KCNQ5: variants seen among roughly 807,000 people sequenced by gnomAD.
KCNQ5 encodes the protein potassium voltage-gated channel subfamily KQT member 5.
A neutral mutation model predicts 98.2 loss-of-function variants in KCNQ5; 30 were observed. That is an observed-to-expected ratio of 0.31 (90% confidence interval 0.23 to 0.41). The LOEUF is 0.41. KCNQ5 is among the 10% of genes least tolerant of loss of function. The pLI is 1.00. For missense variants in KCNQ5, 835 were observed against 1,182.5 expected (o/e 0.71, Z 4.31); for synonymous variants, 458 against 449.4 (o/e 1.02, Z -0.24).
chr6:72,784,688 G>A (rs1034176129), intron 1 of KCNQ5, among the ~76,000 whole-genome samples: 1 of 152,118 alleles, frequency 6.6e-6, no homozygotes, highest in East Asian at 1.9e-4. Flanking sequence ...CTGCATTCCA[G>A]TCAAGTGGCA....
intron 1 of KCNQ5, among the ~76,000 whole-genome samples, chr6:72,947,223 G>A (rs1221063077): frequency 6.6e-6 from 1 of 152,104 alleles, no homozygotes; most frequent in African/African-American, 2.4e-5. Context: ...CACTTAACAT[G>A]CTATTTCTCC....
chr6:73,031,195 A>C (rs1294071718), intron 2 of KCNQ5, among the ~76,000 whole-genome samples: 1 of 152,224 alleles, frequency 6.6e-6, no homozygotes, highest in East Asian at 1.9e-4. Context: ...AAAAGAGAAG[A>C]GGTATCGGGT....
intron 1 of KCNQ5, among the ~76,000 whole-genome samples, chr6:72,873,887 ACAGT>A (rs1467235539): frequency 6.6e-6 from 1 of 152,032 alleles, no homozygotes; most frequent in Non-Finnish European, 1.5e-5. Flanking sequence ...AACTTTAATG[ACAGT>A]CAGCAAGTAT....
chr6:72,681,496 A>C (rs777306130), intron 1 of KCNQ5, among the ~76,000 whole-genome samples: 3 of 152,214 alleles, frequency 2.0e-5, no homozygotes, highest in Non-Finnish European at 4.4e-5. Context: ...ACTGAAATTC[A>C]AACCCAGATC....
intron 6 of KCNQ5, among the ~76,000 whole-genome samples, chr6:73,106,588 C>G (rs1194063951): frequency 6.6e-6 from 1 of 152,206 alleles, no homozygotes; most frequent in Non-Finnish European, 1.5e-5. Context: ...TTCACATCAT[C>G]TGTGTCCAAA....
At position 73,125,591 on chromosome 6, in the gene KCNQ5, A is replaced by G. The variant is rs150138905; in HGVS notation, c.1247+1079A>G. On this transcript the variant is annotated intron_variant, in intron 9 of 13. Transcript: ENST00000370398. ...TTAGCTTAGTACTATTATAATAATT[A>G]TATTAATAATAATATATTTATGCAA... The G allele has an allele frequency of 1.3e-4, 30 of 238,574 alleles. 2 individuals carry two copies. Among genetic ancestry groups the G allele is most frequent in the African/African-American group, 5.2e-4 (22 of 42,370 alleles). 14.8% of individuals were successfully genotyped at this position (238,574 alleles called of 1,614,324 possible). A position where few individuals can be genotyped will look rare whatever the true frequency, so the allele number is the denominator to read the frequency against.
At chr6:72,720,384 C>G (rs1164567853) in intron 1 of KCNQ5, among the ~76,000 whole-genome samples, 1 of 152,090 alleles carries the variant, frequency 6.6e-6, no homozygotes, top group Non-Finnish European at 1.5e-5. Flanking sequence ...TTGAATCTAC[C>G]AAATTAATTG....
At chr6:72,698,849 G>A (rs555258321) in intron 1 of KCNQ5, among the ~76,000 whole-genome samples, 4 of 151,406 alleles carry the variant, frequency 2.6e-5, no homozygotes, top group South Asian at 4.2e-4. Flanking sequence ...TGTAGAGATG[G>A]GGTCTTGCTG....
intron 1 of KCNQ5, among the ~76,000 whole-genome samples, chr6:72,832,846 C>T (rs181131048): frequency 1.9e-4 from 29 of 152,194 alleles, no homozygotes; most frequent in Admixed American, 1.2e-3. Context: ...GGGAGGAAAA[C>T]GAGGAAAGGG....
At chr6:72,967,727 A>C (rs2150278840) in intron 1 of KCNQ5, 1 of 154,914 alleles carries the variant, frequency 6.5e-6, no homozygotes, top group East Asian at 1.9e-4. Flanking sequence ...AATGTGGCAT[A>C]CTAAAATCTT....
At chr6:72,965,556 T>C (rs1319032655) in intron 1 of KCNQ5, among the ~76,000 whole-genome samples, 1 of 152,222 alleles carries the variant, frequency 6.6e-6, no homozygotes, top group Non-Finnish European at 1.5e-5. Context: ...TGAACTATTA[T>C]GGCCTCATCG....
At chr6:73,001,996 C>T (rs113656758) in intron 1 of KCNQ5, among the ~76,000 whole-genome samples, 347 of 16,274 alleles carry the variant, frequency 0.021, no homozygotes, top group African/African-American at 0.065. Flanking sequence ...TGCTGGCCTG[C>T]GCCTATAGTC....
At chr6:72,759,641 A>G (rs959027220) in intron 1 of KCNQ5, among the ~76,000 whole-genome samples, 5 of 152,144 alleles carry the variant, frequency 3.3e-5, no homozygotes, top group Non-Finnish European at 5.9e-5. Context: ...TTTCTTCTCA[A>G]AATACCATGA....
intron 1 of KCNQ5, among the ~76,000 whole-genome samples, chr6:72,984,277 T>C (rs1768631068): frequency 6.6e-6 from 1 of 152,152 alleles, no homozygotes; most frequent in African/African-American, 2.4e-5. Flanking sequence ...TCTGCAGTGG[T>C]TTCTGCTGCC....
intron 3 of KCNQ5, among the ~76,000 whole-genome samples, chr6:73,057,831 C>G (rs937827953): frequency 6.6e-6 from 1 of 152,224 alleles, no homozygotes; most frequent in African/African-American, 2.4e-5. Flanking sequence ...AGAAGTATCA[C>G]ATTGTGTGAC....
intron 1 of KCNQ5, among the ~76,000 whole-genome samples, chr6:72,930,498 A>G (rs1474764409): frequency 6.6e-6 from 1 of 150,898 alleles, no homozygotes; most frequent in Non-Finnish European, 1.5e-5. Flanking sequence ...TAAGTAATAA[A>G]CCAAGAGGAT....
At chr6:73,004,377 A>G (rs947173798) in intron 2 of KCNQ5, among the ~76,000 whole-genome samples, 4 of 152,198 alleles carry the variant, frequency 2.6e-5, no homozygotes, top group Non-Finnish European at 5.9e-5. Flanking sequence ...ATTTTCCAAT[A>G]ACTGTAATTT....
intron 1 of KCNQ5, among the ~76,000 whole-genome samples, chr6:72,737,209 C>G (rs1366967074): frequency 6.6e-6 from 1 of 152,194 alleles, no homozygotes; most frequent in Non-Finnish European, 1.5e-5. Flanking sequence ...ATCTGCCCAC[C>G]TTGGCCTTCC....
intron 2 of KCNQ5, among the ~76,000 whole-genome samples, chr6:73,031,687 G>C (rs567432276): frequency 5.9e-5 from 9 of 152,262 alleles, no homozygotes; most frequent in African/African-American, 2.2e-4. Context: ...TAAACTCCTC[G>C]AGGGTGACAG....
Sources: gnomAD v4.1 joint callset for allele counts (sites outside exome capture counted in the v4.1 genomes callset) on GRCh38, gnomAD v4.1.1 for gene constraint, MANE v1.5 for transcripts, NCBI Gene and HGNC (gene_info 2026-07-23, HGNC 2026-07-21) for gene names.